The following MMP26 variants were observed in gnomAD, a reference collection of about 807,000 sequenced individuals.
The protein encoded by MMP26 is matrix metalloproteinase-26.
MMP26 carries 33 observed loss-of-function variants against 31.0 expected under a neutral mutation model. That is an observed-to-expected ratio of 1.06 (90% CI 0.81 to 1.42). The LOEUF (loss-of-function observed/expected upper bound fraction) is 1.42. Ranked by LOEUF, MMP26 falls within the 40% of genes most tolerant of loss-of-function variation. The probability of loss-of-function intolerance (pLI) is 0.00; values close to 1 mark genes in which losing one functional copy is unlikely to be tolerated. For missense variants in MMP26, 347 were observed against 316.1 expected (o/e 1.10, Z -0.74); for synonymous variants, 122 against 114.9 (o/e 1.06, Z -0.40).
chr11:4,713,319 T>C (rs1847885308), intron 1 of MMP26, among the ~76,000 whole-genome samples: 1 of 152,152 alleles, frequency 6.6e-6, no homozygotes, highest in Non-Finnish European at 1.5e-5. Flanking sequence ...ATGCCTAACA[T>C]AGATCCTGTC....
chr11:4,892,839 C>G (rs570735733), intron 2 of MMP26, among the ~76,000 whole-genome samples: 31 of 152,270 alleles, frequency 2.0e-4, no homozygotes, highest in African/African-American at 7.5e-4. Context: ...CTCAACTGTT[C>G]AGATCTGTTC....
chr11:4,748,634 C>T (rs999427350), intron 1 of MMP26, among the ~76,000 whole-genome samples: 3 of 149,086 alleles, frequency 2.0e-5, no homozygotes, highest in Admixed American at 6.7e-5. Context: ...TCAAGGATGT[C>T]GCAACGTAGG....
At chr11:4,901,935 A>G (rs7932429) in intron 2 of MMP26, among the ~76,000 whole-genome samples, 2,933 of 152,306 alleles carry the variant, frequency 0.019, 89 homozygotes, top group African/African-American at 0.067. Flanking sequence ...AAGAGAATAT[A>G]TTTGCCACAT....
intron 2 of MMP26, among the ~76,000 whole-genome samples, chr11:4,806,053 A>AT (rs113353635): frequency 2.6e-5 from 4 of 151,872 alleles, no homozygotes; most frequent in African/African-American, 4.8e-5. Flanking sequence ...AAAAAAAAAA[A>AT]TCCTGAAAAG....
intron 2 of MMP26, among the ~76,000 whole-genome samples, chr11:4,768,655 T>G (rs970361650): frequency 6.6e-6 from 1 of 152,190 alleles, no homozygotes; most frequent in African/African-American, 2.4e-5. Context: ...TATATTTCAT[T>G]TCGCTGTTTT....
chr11:4,764,832 AGCG>A (rs1848609125), intron 1 of MMP26, among the ~76,000 whole-genome samples: 3 of 152,148 alleles, frequency 2.0e-5, no homozygotes, highest in Middle Eastern at 3.4e-3. Context: ...GAGATCGCGC[AGCG>A]CCACTGCACC....
chr11:4,860,390 C>T, intron 2 of MMP26: 1 of 471,178 alleles, frequency 2.1e-6, no homozygotes, highest in South Asian at 1.5e-5. Context: ...TACGTGGGCT[C>T]ATGGAGACTT....
rs1846342129 is a variant in MMP26 at position 4,948,580 on chromosome 11, T to C, written c.-144-39488T>C. Among the ~76,000 whole-genome samples the C allele has an allele frequency of 4.0e-5, 5 of 124,214 alleles. 2 individuals carry two copies. The Admixed American group carries it at 4.5e-4, about 11-fold the overall frequency. 81.5% of individuals were successfully genotyped at this position (124,214 alleles called of 152,430 possible). A position where few individuals can be genotyped will look rare whatever the true frequency, so the allele number is the denominator to read the frequency against. ...TTCTAAACTGACTACTAGTTGATTC[T>C]AGTGGATAAGATGAAACATTTGGTC... On this transcript the variant is annotated intron_variant, in intron 2 of 7. Transcript: ENST00000380390.
At position 4,949,761 on chromosome 11, in the gene MMP26, T is replaced by C. The variant is rs1437577444; in HGVS notation, c.-144-38307T>C. 7.3e-5 allele frequency among the ~76,000 whole-genome samples: 9 copies of C among 123,484 alleles called. 2 individuals are homozygous for C. Among genetic ancestry groups the C allele is most frequent in the African/African-American group, 2.5e-4 (9 of 36,626 alleles). 81.0% of individuals were successfully genotyped at this position (123,484 alleles called of 152,430 possible). On this transcript the variant is annotated intron_variant, in intron 2 of 7. Transcript: ENST00000380390. ...AAAATAATGTCATCAAAGCAGAAAT[T>C]TCATTCCTTAACAAGTTTTAAAAAA...
intron 1 of MMP26, chr11:4,709,923 G>T: frequency 2.2e-6 from 1 of 456,892 alleles, no homozygotes; most frequent in Non-Finnish European, 4.4e-6. Context: ...AGTACTTTTG[G>T]CAATGGCCTT....
At chr11:4,737,622 A>C (rs1279797891) in intron 1 of MMP26, among the ~76,000 whole-genome samples, 2 of 152,144 alleles carry the variant, frequency 1.3e-5, no homozygotes, top group Admixed American at 6.5e-5. Context: ...CAGCTTGGGC[A>C]ACAAGAGTGA....
chr11:4,823,829 A>C (rs143537976), intron 2 of MMP26, among the ~76,000 whole-genome samples: 1 of 152,288 alleles, frequency 6.6e-6, no homozygotes, highest in African/African-American at 2.4e-5. Context: ...AATAACCACA[A>C]GTAAAGCCGA....
chr11:4,926,421 T>C (rs545554290), intron 2 of MMP26, among the ~76,000 whole-genome samples: 1 of 152,276 alleles, frequency 6.6e-6, no homozygotes, highest in South Asian at 2.1e-4. Context: ...AATGGCAACA[T>C]ATTTTAATAA....
At chr11:4,727,485 T>TA in intron 1 of MMP26, among the ~76,000 whole-genome samples, 1 of 152,310 alleles carries the variant, frequency 6.6e-6, no homozygotes, top group Admixed American at 6.5e-5. Flanking sequence ...AAATGTTTGG[T>TA]TTAGTACAAG....
At chr11:4,907,504 T>G (rs879081647) in intron 2 of MMP26, 1 of 1,614,050 alleles carries the variant, frequency 6.2e-7, no homozygotes, top group South Asian at 1.1e-5. Context: ...ACTGCACCAT[T>G]CTCTTTATTA....
At chr11:4,822,851 T>C (rs1472430140) in intron 2 of MMP26, among the ~76,000 whole-genome samples, 1 of 152,146 alleles carries the variant, frequency 6.6e-6, no homozygotes, top group Non-Finnish European at 1.5e-5. Context: ...GGGTCTTATC[T>C]AGATGGAATT....
At chr11:4,902,214 T>A in intron 2 of MMP26, among the ~76,000 whole-genome samples, 1 of 152,186 alleles carries the variant, frequency 6.6e-6, no homozygotes, top group East Asian at 1.9e-4. Context: ...ATTTTAACAA[T>A]AACTTGCTAC....
At chr11:4,785,088 T>G (rs552707458) in intron 2 of MMP26, among the ~76,000 whole-genome samples, 1 of 152,290 alleles carries the variant, frequency 6.6e-6, no homozygotes, top group Non-Finnish European at 1.5e-5. Flanking sequence ...TGATATATAC[T>G]GGTGTGACCA....
intron 2 of MMP26, among the ~76,000 whole-genome samples, chr11:4,920,671 T>A (rs1472281178): frequency 6.6e-6 from 1 of 152,136 alleles, no homozygotes; most frequent in Non-Finnish European, 1.5e-5. Flanking sequence ...TAGTGTTGTG[T>A]GCAGTTCTGT....
Sources: allele counts gnomAD v4.1 joint callset (sites outside exome capture counted in the v4.1 genomes callset), GRCh38; gene constraint gnomAD v4.1.1; transcripts MANE v1.5; gene names NCBI Gene and HGNC (gene_info 2026-07-23, HGNC 2026-07-21).